Variants in MAD1L1 observed in about 807,000 individuals in gnomAD.
The protein encoded by MAD1L1 is mitotic spindle assembly checkpoint protein MAD1.
MAD1L1 carries 95 observed loss-of-function variants against 96.9 expected under a neutral mutation model. The ratio of observed to expected loss-of-function variants is 0.98; its 90% CI spans 0.83 to 1.16. MAD1L1 has a LOEUF of 1.16. Among genes scored for constraint, MAD1L1 ranks in the 50% most tolerant of loss-of-function variants. The pLI is 0.00. For synonymous variants in MAD1L1, 473 were observed against 396.6 expected, an observed-to-expected ratio of 1.19 and a Z score of -2.29; for missense variants, 1,007 against 954.4, an observed-to-expected ratio of 1.06 and a Z score of -0.73.
intron 11 of MAD1L1, among the ~76,000 whole-genome samples, chr7:2,080,314 ATACCCTATACCAC>A (rs1051208625): frequency 9.2e-5 from 14 of 152,360 alleles, no homozygotes; most frequent in Middle Eastern, 6.8e-3. Flanking sequence ...TTACCAACCA[ATACCCTATACCAC>A]TACCCTATAC....
chr7:2,097,316 C>CTGTAA (rs1786544809), intron 11 of MAD1L1, among the ~76,000 whole-genome samples: 1 of 152,220 alleles, frequency 6.6e-6, no homozygotes, highest in Admixed American at 6.5e-5. Context: ...CCGCTAAGGC[C>CTGTAA]TCCTCAGCCA....
intron 16 of MAD1L1, among the ~76,000 whole-genome samples, chr7:1,941,670 C>T (rs1200507274): frequency 6.6e-6 from 1 of 152,228 alleles, no homozygotes; most frequent in Non-Finnish European, 1.5e-5. Context: ...AGTGTGAGGC[C>T]AAGGTCGGCG....
intron 18 of MAD1L1, among the ~76,000 whole-genome samples, chr7:1,887,863 G>A (rs1445068479): frequency 6.7e-6 from 1 of 148,462 alleles, no homozygotes; most frequent in Non-Finnish European, 1.5e-5. Flanking sequence ...GTGTGTGCAC[G>A]TGTGTGTGCA....
intron 18 of MAD1L1, among the ~76,000 whole-genome samples, chr7:1,872,221 G>C (rs1036099426): frequency 2.0e-5 from 3 of 152,222 alleles, no homozygotes; most frequent in African/African-American, 7.2e-5. Context: ...GCCCCACGGG[G>C]TGCTGCAGGC....
intron 3 of MAD1L1, among the ~76,000 whole-genome samples, chr7:2,228,130 G>A (rs954180512): frequency 2.0e-5 from 3 of 151,986 alleles, no homozygotes; most frequent in Admixed American, 2.0e-4. Flanking sequence ...TCTGACTACC[G>A]CACTCCATCA....
intron 17 of MAD1L1, among the ~76,000 whole-genome samples, chr7:1,908,445 G>A (rs138477747): frequency 5.6e-4 from 86 of 152,234 alleles, no homozygotes; most frequent in African/African-American, 1.8e-3. Flanking sequence ...GCAGTGGCGC[G>A]ATCGTGGCTC....
chr7:2,211,182 G>A (rs1792926901), intron 10 of MAD1L1, among the ~76,000 whole-genome samples: 1 of 152,246 alleles, frequency 6.6e-6, no homozygotes, highest in Non-Finnish European at 1.5e-5. Context: ...CAGCCCTACA[G>A]ACCAACCCCT....
intron 18 of MAD1L1, among the ~76,000 whole-genome samples, chr7:1,864,897 T>C (rs958349260): frequency 6.6e-6 from 1 of 152,144 alleles, no homozygotes; most frequent in African/African-American, 2.4e-5. Context: ...CAGATGCAAA[T>C]GTCCAATTTT....
At chr7:2,167,927 C>T (rs1790517154) in intron 10 of MAD1L1, among the ~76,000 whole-genome samples, 1 of 152,110 alleles carries the variant, frequency 6.6e-6, no homozygotes, top group Non-Finnish European at 1.5e-5. Flanking sequence ...TTCACACTCC[C>T]CACCGCACCT....
At chr7:2,065,233 T>C (rs1784829537) in intron 12 of MAD1L1, among the ~76,000 whole-genome samples, 1 of 152,224 alleles carries the variant, frequency 6.6e-6, no homozygotes, top group Non-Finnish European at 1.5e-5. Flanking sequence ...CCAGTCTCCA[T>C]CTGCCTTCAG....
At chr7:2,196,653 C>T (rs1792001095) in intron 10 of MAD1L1, among the ~76,000 whole-genome samples, 1 of 152,250 alleles carries the variant, frequency 6.6e-6, no homozygotes, top group Non-Finnish European at 1.5e-5. Context: ...TCCAAAATCA[C>T]AGTGCTACCC....
intron 5 of MAD1L1, 33 bp downstream of exon 5, chr7:2,222,542 A>G (rs1793662824): frequency 1.3e-6 from 2 of 1,519,156 alleles, no homozygotes; most frequent in African/African-American, 2.8e-5. Flanking sequence ...TCCTCGGGAA[A>G]ACAGCTCCCT....
intron 11 of MAD1L1, among the ~76,000 whole-genome samples, chr7:2,132,477 G>A (rs1235207011): frequency 6.8e-6 from 1 of 146,004 alleles, no homozygotes; most frequent in Non-Finnish European, 1.5e-5. Flanking sequence ...ACTGCTGCGT[G>A]CGACTGCGTG....
intron 18 of MAD1L1, among the ~76,000 whole-genome samples, chr7:1,863,763 C>G (rs909950523): frequency 1.3e-5 from 2 of 152,108 alleles, no homozygotes; most frequent in African/African-American, 4.8e-5. Flanking sequence ...CTCCTGCAGC[C>G]CCGTCAGGCA....
In MAD1L1 at chr7:2,007,532, G is replaced by C. The variant is rs144962637; in HGVS notation, c.1360-5411C>G. The stretch of plus-strand genomic sequence containing the variant: ...TTACTAAAAATACAAAAATTAGCTG[G>C]GTGTGGTGGTGCATGCCTGTAGTCC... On this transcript the variant is annotated intron_variant, in intron 13 of 18. Coordinates refer to ENST00000265854, the MANE Select transcript of MAD1L1 (RefSeq NM_001013836.2). Among the ~76,000 whole-genome samples, 1,220 of 151,946 alleles carry C rather than the reference G, an allele frequency of 8.0e-3. 12 individuals carry two copies. Among genetic ancestry groups the C allele is most frequent in the Middle Eastern group, 0.061 (18 of 294 alleles).
intron 18 of MAD1L1, chr7:1,849,704 T>G (rs1351303680): frequency 1.3e-5 from 2 of 151,928 alleles, no homozygotes; most frequent in East Asian, 1.9e-4. Flanking sequence ...GAACCCCAGG[T>G]GTAAAGAGCC....
At chr7:2,162,645 A>T (rs1469943473) in intron 10 of MAD1L1, among the ~76,000 whole-genome samples, 1 of 151,720 alleles carries the variant, frequency 6.6e-6, no homozygotes, top group Non-Finnish European at 1.5e-5. Flanking sequence ...TATCTTAAAA[A>T]AAATCCATTA....
chr7:2,201,085 G>A (rs557570860), intron 10 of MAD1L1, among the ~76,000 whole-genome samples: 5 of 152,306 alleles, frequency 3.3e-5, no homozygotes, highest in African/African-American at 1.2e-4. Context: ...AGGTGATCCT[G>A]TAGAGGTCAC....
intron 10 of MAD1L1, among the ~76,000 whole-genome samples, chr7:2,202,612 G>A (rs965264982): frequency 1.3e-5 from 2 of 152,192 alleles, no homozygotes; most frequent in South Asian, 2.1e-4. Flanking sequence ...AAGGCCAAAC[G>A]CTTCTCCCCC....
Sources: allele counts gnomAD v4.1 joint callset (sites outside exome capture counted in the v4.1 genomes callset), GRCh38; gene constraint gnomAD v4.1.1; transcripts MANE v1.5; gene names NCBI Gene and HGNC (gene_info 2026-07-23, HGNC 2026-07-21).